The following PLCB1 variants were observed in gnomAD, a reference collection of about 807,000 sequenced individuals.
PLCB1 encodes the protein phospholipase C beta 1, also known as 1-phosphatidylinositol 4,5-bisphosphate phosphodiesterase beta-1.
A neutral mutation model predicts 161.8 loss-of-function variants in PLCB1; 46 were observed. The observed-to-expected ratio is 0.28, with a 90% CI of 0.22 to 0.36. The LOEUF is 0.36. Ranked by LOEUF, PLCB1 falls within the 10% of genes least tolerant of loss-of-function variation. The probability of loss-of-function intolerance (pLI) is 1.00; values close to 1 mark genes in which losing one functional copy is unlikely to be tolerated. For missense variants in PLCB1, 1,016 were observed against 1,472.5 expected, an observed-to-expected ratio of 0.69 and a Z score of 5.07; for synonymous variants, 517 against 503.7, an observed-to-expected ratio of 1.03 and a Z score of -0.35.
At chr20:8,176,279 C>T (rs2051782669) in intron 2 of PLCB1, among the ~76,000 whole-genome samples, 1 of 152,148 alleles carries the variant, frequency 6.6e-6, no homozygotes, top group Non-Finnish European at 1.5e-5. Flanking sequence ...ATAAAGATGG[C>T]ATGTCCATAC....
intron 26 of PLCB1, among the ~76,000 whole-genome samples, chr20:8,771,908 G>T (rs1225141661): frequency 3.0e-5 from 1 of 32,896 alleles, no homozygotes; most frequent in African/African-American, 9.2e-5. Flanking sequence ...TTTCGACAGG[G>T]TCTTGCTCTT....
At position 8,730,262 on chromosome 20, in the gene PLCB1, T is replaced by C. The variant is rs1029644711; in HGVS notation, c.1888+1088T>C. On this transcript the variant is annotated intron_variant, in intron 18 of 31. Transcript: ENST00000338037. ...GCTCCCATTTTTCTCATGGTTTCTT[T>C]TTTATTTAACCTTTTCAACCATCAA... Among the ~76,000 whole-genome samples the C allele has an allele frequency of 4.6e-5, 7 of 151,904 alleles. No homozygotes were observed. The East Asian group carries it at 1.3e-3, about 29-fold the overall frequency.
intron 10 of PLCB1, among the ~76,000 whole-genome samples, chr20:8,686,622 A>G (rs2123403372): frequency 6.6e-6 from 1 of 152,178 alleles, no homozygotes. Context: ...TCCCTTTCTG[A>G]CTATCACTAG....
At chr20:8,873,033 G>A (rs1405002210) in intron 31 of PLCB1, among the ~76,000 whole-genome samples, 2 of 152,066 alleles carry the variant, frequency 1.3e-5, no homozygotes, top group Admixed American at 1.3e-4. Context: ...CTTTCCCTAT[G>A]TTTGGAATAG....
intron 3 of PLCB1, among the ~76,000 whole-genome samples, chr20:8,615,030 G>A (rs1340143976): frequency 1.3e-5 from 2 of 152,118 alleles, no homozygotes; most frequent in African/African-American, 4.8e-5. Context: ...AATAAGCATT[G>A]TTAATATTAT....
rs1326400737 is a variant in PLCB1 at position 8,884,581 on chromosome 20, TTAAG to T, written c.*2736_*2739del. On this transcript the variant is annotated 3_prime_UTR_variant, in exon 32 of 32. Coordinates refer to ENST00000338037, the MANE Select transcript of PLCB1 (RefSeq NM_015192.4). ...TACTCCTGTAGTAGATAAGCTGTCATTAAGTAATTCCCAAAAAAAGGGCCATTTG... is the reference window on the plus strand; with the variant it reads ...TACTCCTGTAGTAGATAAGCTGTCATTAATTCCCAAAAAAAGGGCCATTTG... The T allele has an allele frequency of 6.6e-6, 1 of 152,646 alleles. No individual in the cohort carries two copies. The highest frequency in any genetic ancestry group is 6.5e-5 in the Admixed American group (1 of 15,272). 9.5% of individuals were successfully genotyped at this position (152,646 alleles called of 1,614,324 possible). A position where few individuals can be genotyped will look rare whatever the true frequency, so the allele number is the denominator to read the frequency against.
intron 11 of PLCB1, among the ~76,000 whole-genome samples, chr20:8,700,831 G>A (rs1005982360): frequency 3.3e-5 from 5 of 152,200 alleles, no homozygotes; most frequent in African/African-American, 4.8e-5. Flanking sequence ...TCCTGCTAAT[G>A]CACATAGCAG....
intron 31 of PLCB1, among the ~76,000 whole-genome samples, chr20:8,872,421 G>A (rs1178200534): frequency 6.6e-6 from 1 of 152,112 alleles, no homozygotes; most frequent in Non-Finnish European, 1.5e-5. Flanking sequence ...GTTGCCAATG[G>A]CAACCTTGAA....
chr20:8,355,233 A>AG (rs1568644052), intron 2 of PLCB1, among the ~76,000 whole-genome samples: 1 of 152,158 alleles, frequency 6.6e-6, no homozygotes, highest in Non-Finnish European at 1.5e-5. Flanking sequence ...CTTAAAAAAA[A>AG]AAAGAAAGAA....
rs185730557 is a variant in PLCB1 at position 8,883,656 on chromosome 20, A to G, written c.*1807A>G. 1 of 152,610 alleles carries G rather than the reference A, an allele frequency of 6.6e-6. No individual in the cohort carries two copies. Among genetic ancestry groups the G allele is most frequent in the Admixed American group, 6.5e-5 (1 of 15,268 alleles). The allele number at this position is 152,610 out of a possible 1,614,324, so 9.5% of individuals were successfully genotyped here. A position where few individuals can be genotyped will look rare whatever the true frequency, so the allele number is the denominator to read the frequency against. On this transcript the variant is annotated 3_prime_UTR_variant, in exon 32 of 32. Transcript: ENST00000338037. ...GAGATTACAATTAAATTTTAATCAAAATGAAGGCTTAGTTCAAACATAAGG... is the reference window on the plus strand; with the variant it reads ...GAGATTACAATTAAATTTTAATCAAGATGAAGGCTTAGTTCAAACATAAGG...
intron 23 of PLCB1, chr20:8,751,102 A>T (rs1285341423): frequency 3.8e-5 from 7 of 186,282 alleles, no homozygotes; most frequent in South Asian, 6.7e-5. Context: ...AGCCCGGCTA[A>T]TTTTTTTTTT....
At position 8,673,597 on chromosome 20, in the gene PLCB1, T is replaced by C. The variant is rs757618009; in HGVS notation, c.863-11335T>C. Among the ~76,000 whole-genome samples the C allele has an allele frequency of 2.9e-4, 44 of 152,270 alleles. 1 individual carries two copies. The highest frequency in any genetic ancestry group is 1.2e-3 in the South Asian group (6 of 4,816). Reference sequence around the variant, plus strand: ...CCTCTTGGTTCTGTTCTGTGAGCTGTTCATTGCATTTCTTCGATGTTTTCT... The same window carrying C: ...CCTCTTGGTTCTGTTCTGTGAGCTGCTCATTGCATTTCTTCGATGTTTTCT... On this transcript the variant is annotated intron_variant, in intron 9 of 31. Transcript: ENST00000338037.
At chr20:8,166,002 A>G (rs1250730613) in intron 2 of PLCB1, among the ~76,000 whole-genome samples, 8 of 152,148 alleles carry the variant, frequency 5.3e-5, no homozygotes, top group Non-Finnish European at 1.0e-4. Flanking sequence ...TCATACTAAA[A>G]TTGATCCCTT....
chr20:8,165,361 G>T (rs1459500116), intron 2 of PLCB1, among the ~76,000 whole-genome samples: 1 of 152,180 alleles, frequency 6.6e-6, no homozygotes, highest in South Asian at 2.1e-4. Context: ...ACTATCACAT[G>T]AATTCATGAA....
At chr20:8,494,814 C>T (rs1331748411) in intron 3 of PLCB1, among the ~76,000 whole-genome samples, 1 of 152,064 alleles carries the variant, frequency 6.6e-6, no homozygotes, top group Admixed American at 6.6e-5. Flanking sequence ...ACTTCTTTGG[C>T]TTTTGGGTAG....
intron 1 of PLCB1, among the ~76,000 whole-genome samples, chr20:8,141,622 GAAAA>G (rs10599705): frequency 2.2e-5 from 2 of 92,582 alleles, no homozygotes; most frequent in African/African-American, 7.3e-5. Context: ...GCGATACTCC[GAAAA>G]AAAAAAAAAA....
At chr20:8,758,243 A>AAAG (rs397751093) in intron 24 of PLCB1, among the ~76,000 whole-genome samples, 4 of 150,528 alleles carry the variant, frequency 2.7e-5, no homozygotes, top group Non-Finnish European at 5.9e-5. Flanking sequence ...AAAAAAAAAA[A>AAAG]CCAATTATAT....
At chr20:8,839,522 C>T (rs1986414533) in intron 31 of PLCB1, among the ~76,000 whole-genome samples, 1 of 152,090 alleles carries the variant, frequency 6.6e-6, no homozygotes, top group African/African-American at 2.4e-5. Flanking sequence ...TATTATGTGT[C>T]ATGTCCCAAT....
chr20:8,453,168 C>T (rs1981150128), intron 3 of PLCB1, among the ~76,000 whole-genome samples: 1 of 152,242 alleles, frequency 6.6e-6, no homozygotes, highest in Non-Finnish European at 1.5e-5. Context: ...TACTCTTTCA[C>T]TGCACTACTT....
Sources: allele counts gnomAD v4.1 joint callset (sites outside exome capture counted in the v4.1 genomes callset), GRCh38; gene constraint gnomAD v4.1.1; transcripts MANE v1.5; gene names NCBI Gene and HGNC (gene_info 2026-07-23, HGNC 2026-07-21).